Variants in AFG3L2 observed in about 807,000 individuals in gnomAD.
AFG3L2 encodes the protein mitochondrial inner membrane m-AAA protease component AFG3L2.
Under a neutral mutation model 94.5 loss-of-function variants are expected in AFG3L2, and 54 were observed. The ratio of observed to expected loss-of-function variants is 0.57; its 90% CI spans 0.46 to 0.72. The LOEUF is 0.72. Among genes scored for constraint, AFG3L2 ranks in the 30% least tolerant of loss-of-function variants. The pLI is 0.00. For synonymous variants in AFG3L2, 377 were observed against 365.5 expected (o/e 1.03, Z -0.36); for missense variants, 754 against 994.9 (o/e 0.76, Z 3.26).
chr18:12,364,544 T>C (rs1015300467), intron 5 of AFG3L2, among the ~76,000 whole-genome samples: 3 of 152,234 alleles, frequency 2.0e-5, no homozygotes, highest in Admixed American at 1.3e-4. Flanking sequence ...TATTGCTCTA[T>C]AGGACATAGC....
chr18:12,366,511 C>G (rs1243483684), intron 5 of AFG3L2, among the ~76,000 whole-genome samples: 1 of 152,172 alleles, frequency 6.6e-6, no homozygotes, highest in Non-Finnish European at 1.5e-5. Context: ...CGCTGATTAG[C>G]TGCCACGCCC....
intron 1 of AFG3L2, among the ~76,000 whole-genome samples, chr18:12,372,641 G>A (rs532857249): frequency 7.9e-5 from 12 of 152,232 alleles, no homozygotes; most frequent in African/African-American, 2.9e-4. Context: ...CAAGCCAAAC[G>A]TTCACCACCT....
At position 12,377,119 on chromosome 18, in the gene AFG3L2, G is replaced by T; in HGVS notation, c.-37C>A. ...TGGCCCTCTCGGCCCGGGACGCTGC[G>T]CAGGCGCGGGCAGGCGACGACTGGC... is the stretch of plus-strand genomic sequence containing the variant. On this transcript the variant is annotated 5_prime_UTR_variant, in exon 1 of 17. Transcript: ENST00000269143. 7.6e-7 allele frequency: 1 copy of T among 1,316,266 alleles called. No individual in the cohort carries two copies. The highest frequency in any genetic ancestry group is 9.9e-7 in the Non-Finnish European group (1 of 1,012,818). 81.5% of individuals were successfully genotyped at this position (1,316,266 alleles called of 1,614,324 possible).
intron 12 of AFG3L2, among the ~76,000 whole-genome samples, chr18:12,350,245 A>G (rs1908271202): frequency 6.6e-6 from 1 of 151,990 alleles, no homozygotes; most frequent in African/African-American, 2.4e-5. Flanking sequence ...TCCTGACCTC[A>G]GGTGATCCAC....
In AFG3L2 at chr18:12,353,173, A is replaced by C. The variant is rs780671367; in HGVS notation, c.1165-15T>G. 10 of 1,613,682 alleles carry C rather than the reference A, an allele frequency of 6.2e-6. No homozygotes were observed. Among genetic ancestry groups the C allele is most frequent in the Non-Finnish European group, 7.6e-6 (9 of 1,179,816 alleles). ...AAGTCTCGGACCTTGGCAAAAACAG[A>C]AAGAGAGTCACCTGACCAGAGAATA... On this transcript the variant is annotated splice_polypyrimidine_tract_variant and intron_variant, in intron 9 of 16. Coordinates refer to ENST00000269143, the MANE Select transcript of AFG3L2 (RefSeq NM_006796.3).
chr18:12,329,677 T>A lies in AFG3L2; in HGVS notation c.2282A>T (p.Glu761Val). 6.2e-7 allele frequency: 1 copy of A among 1,614,132 alleles called. No individual in the cohort carries two copies. The highest frequency in any genetic ancestry group is 8.5e-7 in the Non-Finnish European group (1 of 1,180,034). ...AEKSTYEEFVEGTGSLDEDTS... is the reference protein window; with the variant it reads ...AEKSTYEEFVVGTGSLDEDTS... ...GTCCTCATCCAAGCTGCCAGTGCCT[T>A]CCACAAATTCTTCATAGGTAGATTT... The change falls in exon 17 of 17, where the codon GAA becomes GTA. Residue 761 changes from glutamate (E) to valine (V), a missense_variant. Physicochemically the swap from Glu to Val is moderately radical, Grantham distance 121. Coordinates refer to ENST00000269143, the MANE Select transcript of AFG3L2 (RefSeq NM_006796.3).
chr18:12,359,945 T>A lies in AFG3L2; in HGVS notation c.734A>T (p.Tyr245Phe), dbSNP rs1409424178. 1 of 1,613,664 alleles carries A rather than the reference T, an allele frequency of 6.2e-7. No individual in the cohort carries two copies. The highest frequency in any genetic ancestry group is 8.5e-7 in the Non-Finnish European group (1 of 1,180,022). The part of the protein sequence containing the change: ...IEGENRVPVV[Y>F]IAESDGSFLL... ...AGATTACCCATCACTTTCAGCAATGTAGACAACAGGCACCCGATTTTCTCC... is the reference window on the plus strand; with the variant it reads ...AGATTACCCATCACTTTCAGCAATGAAGACAACAGGCACCCGATTTTCTCC... Residue 245 changes from tyrosine to phenylalanine, a missense_variant, in exon 7 of 17, where the codon TAC (tyrosine) becomes TTC (phenylalanine). Tyr to Phe is a conservative substitution (Grantham distance 22). Coordinates refer to ENST00000269143, the MANE Select transcript of AFG3L2 (RefSeq NM_006796.3).
chr18:12,371,472 G>C (rs901297004), intron 2 of AFG3L2, 120 bp downstream of exon 2: 4 of 796,728 alleles, frequency 5.0e-6, no homozygotes, highest in Non-Finnish European at 8.6e-6. Context: ...TACATTTGAA[G>C]ATGACATATC....
In AFG3L2 at chr18:12,340,213, A is replaced by G. The variant is rs111584654; in HGVS notation, c.1968T>C (p.Ser656=). 6.2e-7 allele frequency: 1 copy of G among 1,613,808 alleles called. No homozygotes were observed. Among genetic ancestry groups the G allele is most frequent in the Non-Finnish European group, 8.5e-7 (1 of 1,179,826 alleles). ...TTCATATACTCACTTGGGCATATGC[A>G]CTCTGAGTTACTTTTCTCAAGTCAT... ...AQDDLRKVTQ[S]AYAQIVQFGM... is the part of the protein sequence containing the mutation. Residue 656 remains serine (S), a synonymous_variant, in exon 15 of 17, where the codon AGT becomes AGC. Coordinates refer to ENST00000269143, the MANE Select transcript of AFG3L2 (RefSeq NM_006796.3).
At chr18:12,352,218 A>G (rs1359558051) in intron 10 of AFG3L2, among the ~76,000 whole-genome samples, 1 of 152,132 alleles carries the variant, frequency 6.6e-6, no homozygotes, top group Non-Finnish European at 1.5e-5. Flanking sequence ...GCACGGCAGG[A>G]GCTCCTGGGT....
At chr18:12,349,569 A>T (rs961161675) in intron 12 of AFG3L2, among the ~76,000 whole-genome samples, 3 of 152,252 alleles carry the variant, frequency 2.0e-5, no homozygotes, top group African/African-American at 7.2e-5. Context: ...CTTGGCCACA[A>T]AAAGGAATGA....
chr18:12,337,985 G>A (rs923752386), intron 15 of AFG3L2, among the ~76,000 whole-genome samples: 1 of 152,126 alleles, frequency 6.6e-6, no homozygotes, highest in Non-Finnish European at 1.5e-5. Context: ...GGCCAGGCTG[G>A]TCTTGAACTC....
rs1213235161 is a variant in AFG3L2 at position 12,376,904 on chromosome 18, C to G, written c.114+65G>C. 14 of 1,248,060 alleles carry G rather than the reference C, an allele frequency of 1.1e-5. No individual in the cohort carries two copies. In the East Asian group the frequency reaches 4.5e-4, roughly 40 times the overall value. The allele number at this position is 1,248,060 out of a possible 1,614,324, so 77.3% of individuals were successfully genotyped here. A position where few individuals can be genotyped will look rare whatever the true frequency, so the allele number is the denominator to read the frequency against. On this transcript the variant is annotated intron_variant, in intron 1 of 16. Coordinates refer to ENST00000269143, the MANE Select transcript of AFG3L2 (RefSeq NM_006796.3). ...CGGGGGCCAGTGACCTTGACGTCCG[C>G]TCTCCCGAGCCGGAAGTGGGCCCGA...
chr18:12,335,604 A>T (rs1598819650), intron 16 of AFG3L2, among the ~76,000 whole-genome samples: 1 of 152,330 alleles, frequency 6.6e-6, no homozygotes, highest in East Asian at 1.9e-4. Flanking sequence ...GCTGACAGAG[A>T]TCTGTCTCAG....
chr18:12,372,287 G>A (rs1189505089), intron 1 of AFG3L2, among the ~76,000 whole-genome samples: 1 of 152,316 alleles, frequency 6.6e-6, no homozygotes, highest in East Asian at 1.9e-4. Flanking sequence ...CTGGGCGATG[G>A]AGTGAGACTC....
At chr18:12,372,261 G>A (rs1291252031) in intron 1 of AFG3L2, among the ~76,000 whole-genome samples, 3 of 152,160 alleles carry the variant, frequency 2.0e-5, no homozygotes, top group East Asian at 1.9e-4. Flanking sequence ...CCGAGATCAC[G>A]CCACTGCACT....
chr18:12,359,139 C>T (rs1011080276), intron 7 of AFG3L2, among the ~76,000 whole-genome samples, 196 bp from the exon 8 acceptor site: 2 of 152,154 alleles, frequency 1.3e-5, no homozygotes, highest in Admixed American at 6.6e-5. Flanking sequence ...ACCAACTCTT[C>T]GAAATAAATG....
intron 13 of AFG3L2, among the ~76,000 whole-genome samples, chr18:12,345,023 C>T (rs1336906476): frequency 2.0e-5 from 3 of 152,216 alleles, no homozygotes; most frequent in African/African-American, 7.2e-5. Flanking sequence ...TAAGACACTA[C>T]CTGCTGTCTG....
intron 16 of AFG3L2, among the ~76,000 whole-genome samples, chr18:12,331,169 C>T (rs1907512217): frequency 6.6e-6 from 1 of 152,180 alleles, no homozygotes; most frequent in African/African-American, 2.4e-5. Context: ...TGGCCTGAAG[C>T]ATTCAGTACA....
Sources: gnomAD v4.1 joint callset for allele counts (sites outside exome capture counted in the v4.1 genomes callset) on GRCh38, gnomAD v4.1.1 for gene constraint, MANE v1.5 for transcripts, NCBI Gene and HGNC (gene_info 2026-07-23, HGNC 2026-07-21) for gene names.